The following TPST1 variants were observed in gnomAD, a reference collection of about 807,000 sequenced individuals.
The protein encoded by TPST1 is protein-tyrosine sulfotransferase 1.
TPST1 carries 20 observed loss-of-function variants against 34.8 expected under a neutral mutation model. The observed-to-expected ratio is 0.57, with a 90% confidence interval of 0.40 to 0.84. The LOEUF is 0.84. TPST1 is among the 40% of genes least tolerant of loss of function. The pLI is 0.00. For synonymous variants in TPST1, 152 were observed against 159.4 expected, an observed-to-expected ratio of 0.95 and a Z score of 0.35; for missense variants, 353 against 455.5, an observed-to-expected ratio of 0.78 and a Z score of 2.05.
At chr7:66,236,776 C>G (rs538812113) in intron 1 of TPST1, among the ~76,000 whole-genome samples, 1 of 152,260 alleles carries the variant, frequency 6.6e-6, no homozygotes, top group African/African-American at 2.4e-5. Flanking sequence ...AATTACACTT[C>G]AATAAAGCTT....
intron 2 of TPST1, among the ~76,000 whole-genome samples, chr7:66,241,989 A>G (rs1465939594): frequency 1.3e-5 from 2 of 152,210 alleles, no homozygotes; most frequent in South Asian, 2.1e-4. Flanking sequence ...AGAATCTCCA[A>G]AATTTGGAAG....
chr7:66,275,365 C>T (rs1790786335), intron 2 of TPST1, among the ~76,000 whole-genome samples: 1 of 151,992 alleles, frequency 6.6e-6, no homozygotes, highest in Non-Finnish European at 1.5e-5. Flanking sequence ...TCCAGCAATC[C>T]CACTACCAGG....
intron 1 of TPST1, among the ~76,000 whole-genome samples, chr7:66,238,966 G>A (rs1015000880): frequency 7.9e-5 from 12 of 152,348 alleles, no homozygotes; most frequent in African/African-American, 2.9e-4. Context: ...GCAGCATGGA[G>A]TGCTTCCTGT....
intron 3 of TPST1, among the ~76,000 whole-genome samples, chr7:66,318,938 A>C (rs1305563592): frequency 6.6e-6 from 1 of 152,182 alleles, no homozygotes; most frequent in African/African-American, 2.4e-5. Flanking sequence ...CTAGTTTTGC[A>C]ATTGAGAAGT....
At position 66,332,325 on chromosome 7, in the gene TPST1, A is replaced by G. The variant is rs1562848855; in HGVS notation, c.1045-20180A>G. 6.6e-6 allele frequency among the ~76,000 whole-genome samples: 1 copy of G among 151,438 alleles called. No homozygotes were observed. The highest frequency in any genetic ancestry group is 2.4e-5 in the African/African-American group (1 of 41,170). ...TTTGTGTTGCTCAGGCTGGAGTGCA[A>G]GGCACAATCTCAGCTCACTGCAACG... On this transcript the variant is annotated intron_variant, in intron 3 of 5. Coordinates refer to ENST00000304842, the MANE Select transcript of TPST1 (RefSeq NM_003596.4). The surrounding 1 kb of genome is among the most constrained non-coding windows in gnomAD (Gnocchi z 4.5).
At chr7:66,239,687 A>G (rs11975212) in intron 1 of TPST1, among the ~76,000 whole-genome samples, 158 of 152,346 alleles carry the variant, frequency 1.0e-3, no homozygotes, top group African/African-American at 3.8e-3. Context: ...TCTTGGGCTT[A>G]TTAAATATTT....
chr7:66,328,665 C>G (rs1051639940), intron 3 of TPST1, among the ~76,000 whole-genome samples: 6 of 151,196 alleles, frequency 4.0e-5, no homozygotes, highest in African/African-American at 1.5e-4. Context: ...TTGCCTAAAC[C>G]TCCTGAGAAG....
chr7:66,356,923 G>A, intron 5 of TPST1, 52 bp downstream of exon 5: 1 of 1,598,696 alleles, frequency 6.3e-7, no homozygotes, highest in Non-Finnish European at 8.6e-7. Context: ...TCGGGCTCTT[G>A]CAGGGGGCTG....
chr7:66,345,648 TTTA>T (rs1792334450), intron 3 of TPST1, among the ~76,000 whole-genome samples: 1 of 152,004 alleles, frequency 6.6e-6, no homozygotes, highest in African/African-American at 2.4e-5. Flanking sequence ...TATCTCTATA[TTTA>T]TTATGTCTTT....
Position 66,273,526 on chromosome 7 carries a change from T to C in TPST1, c.846-12985T>C, listed in dbSNP as rs575656595. On this transcript the variant is annotated intron_variant, in intron 2 of 5. Transcript: ENST00000304842. ...CATCACAGTATTTGACTTCAAAATA[T>C]ACTGTAAAGCTATAGTAATCAGAAT... is the stretch of plus-strand genomic sequence containing the variant. Among the ~76,000 whole-genome samples, 5 of 152,286 alleles carry C rather than the reference T, an allele frequency of 3.3e-5. No individual in the cohort carries two copies. In the South Asian group the frequency reaches 1.0e-3, roughly 32 times the overall value.
chr7:66,311,714 G>A (rs1791535732), intron 3 of TPST1, among the ~76,000 whole-genome samples: 1 of 152,174 alleles, frequency 6.6e-6, no homozygotes, highest in Non-Finnish European at 1.5e-5. Flanking sequence ...ACATGCCATA[G>A]AAGAAAATGA....
chr7:66,299,221 G>C lies in TPST1; in HGVS notation c.1044+12512G>C, dbSNP rs1043777285. ...ACTTGAAGATCCAGATTTTCATCTG[G>C]CATCATTTCTCTTTAGCCTGATGCA... On this transcript the variant is annotated intron_variant, in intron 3 of 5. Coordinates refer to ENST00000304842, the MANE Select transcript of TPST1 (RefSeq NM_003596.4). Among the ~76,000 whole-genome samples the C allele has an allele frequency of 4.6e-5, 7 of 150,684 alleles. No homozygotes were observed. The South Asian group carries it at 1.5e-3, about 32-fold the overall frequency.
chr7:66,318,687 G>A (rs562525961), intron 3 of TPST1, among the ~76,000 whole-genome samples: 36 of 152,176 alleles, frequency 2.4e-4, no homozygotes, highest in East Asian at 1.4e-3. Flanking sequence ...GGCTGGTCTC[G>A]ATCTCCTGAC....
At chr7:66,227,028 CTTTT>C (rs546339747) in intron 1 of TPST1, among the ~76,000 whole-genome samples, 15 of 69,202 alleles carry the variant, frequency 2.2e-4, no homozygotes, top group African/African-American at 4.0e-4. Flanking sequence ...TTAAAATAAG[CTTTT>C]TTTTTTTTTT....
At chr7:66,354,663 G>T (rs1792548107) in intron 4 of TPST1, among the ~76,000 whole-genome samples, 1 of 151,762 alleles carries the variant, frequency 6.6e-6, no homozygotes, top group Non-Finnish European at 1.5e-5. Flanking sequence ...TTTCCAAATG[G>T]ATTGCACACC....
intron 3 of TPST1, among the ~76,000 whole-genome samples, chr7:66,331,309 G>A (rs1055627222): frequency 5.3e-5 from 8 of 152,194 alleles, no homozygotes; most frequent in African/African-American, 1.9e-4. Flanking sequence ...TTAGAAGCCA[G>A]TCACTAGATC....
intron 2 of TPST1, among the ~76,000 whole-genome samples, chr7:66,243,507 G>A (rs1383275244): frequency 6.6e-6 from 1 of 151,780 alleles, no homozygotes; most frequent in Non-Finnish European, 1.5e-5. Flanking sequence ...GCAGTGGCAT[G>A]ATCTCTGCTC....
intron 3 of TPST1, among the ~76,000 whole-genome samples, chr7:66,313,174 G>A (rs1042720804): frequency 6.6e-6 from 1 of 152,134 alleles, no homozygotes; most frequent in East Asian, 1.9e-4. Context: ...CCAGCACTTT[G>A]GGTGGCCAAG....
chr7:66,266,026 A>G (rs762690089), intron 2 of TPST1, among the ~76,000 whole-genome samples: 3 of 152,242 alleles, frequency 2.0e-5, no homozygotes, highest in Non-Finnish European at 4.4e-5. Context: ...GATGCACTAG[A>G]TGGTAACTCA....
Sources: allele counts gnomAD v4.1 joint callset (sites outside exome capture counted in the v4.1 genomes callset), GRCh38; gene constraint gnomAD v4.1.1; non-coding constraint Gnocchi (gnomAD v3.1); transcripts MANE v1.5; gene names NCBI Gene and HGNC (gene_info 2026-07-23, HGNC 2026-07-21).